RAP1B: variants seen among roughly 807,000 people sequenced by gnomAD.
RAP1B encodes the protein ras-related protein Rap-1b.
A neutral mutation model predicts 27.5 loss-of-function variants in RAP1B; 1 was observed. The observed-to-expected ratio is 0.04, with a 90% confidence interval of 0.01 to 0.17. The LOEUF is 0.17. Ranked by LOEUF, RAP1B falls within the 10% of genes least tolerant of loss-of-function variation. The probability of loss-of-function intolerance (pLI) is 1.00; values close to 1 mark genes in which losing one functional copy is unlikely to be tolerated. For missense variants in RAP1B, 84 were observed against 214.8 expected (o/e 0.39, Z 3.81); for synonymous variants, 75 against 73.1 (o/e 1.03, Z -0.13).
At chr12:68,642,726 C>T in intron 1 of RAP1B, 1 of 1,084,648 alleles carries the variant, frequency 9.2e-7, no homozygotes. Flanking sequence ...TCTTCGGCAT[C>T]CACCTGCGCA....
intron 1 of RAP1B, among the ~76,000 whole-genome samples, chr12:68,626,073 C>T (rs1462909089): frequency 6.6e-6 from 1 of 152,124 alleles, no homozygotes; most frequent in African/African-American, 2.4e-5. Flanking sequence ...CTGTTTATTT[C>T]TATATTCGGC....
intron 3 of RAP1B, 58 bp downstream of exon 3, chr12:68,650,526 G>T: frequency 7.9e-7 from 1 of 1,269,638 alleles, no homozygotes; most frequent in Non-Finnish European, 1.1e-6. Context: ...ACTTATTTTA[G>T]CTTTATAATT....
At chr12:68,620,187 G>GTTTTTTA (rs1555170670) in intron 1 of RAP1B, among the ~76,000 whole-genome samples, 2 of 148,096 alleles carry the variant, frequency 1.4e-5, no homozygotes, top group African/African-American at 2.5e-5. Context: ...GGTGGTGGTG[G>GTTTTTTA]TTTTTTTATT....
At chr12:68,650,848 A>G (rs980170404) in intron 3 of RAP1B, 1 of 153,280 alleles carries the variant, frequency 6.5e-6, no homozygotes, top group African/African-American at 2.4e-5. Flanking sequence ...CTCTTGAGAA[A>G]GTGCCACCAC....
At chr12:68,628,464 T>A (rs1032023016) in intron 1 of RAP1B, among the ~76,000 whole-genome samples, 1 of 152,244 alleles carries the variant, frequency 6.6e-6, no homozygotes, top group Non-Finnish European at 1.5e-5. Context: ...TTTTAATGAC[T>A]TATTTTTATA....
At chr12:68,630,078 C>A (rs1403110700) in intron 1 of RAP1B, among the ~76,000 whole-genome samples, 1 of 152,174 alleles carries the variant, frequency 6.6e-6, no homozygotes, top group Non-Finnish European at 1.5e-5. Context: ...CCTAGTTGAT[C>A]TCAAAAATCA....
chr12:68,646,964 T>C (rs893535135), intron 1 of RAP1B, among the ~76,000 whole-genome samples: 1 of 152,236 alleles, frequency 6.6e-6, no homozygotes, highest in African/African-American at 2.4e-5. Flanking sequence ...TGAACCCATA[T>C]ACAAAAAGAA....
intron 1 of RAP1B, among the ~76,000 whole-genome samples, chr12:68,619,124 C>G (rs1009415835): frequency 2.0e-5 from 3 of 152,076 alleles, no homozygotes; most frequent in Admixed American, 2.0e-4. Context: ...AAACACTTGG[C>G]AGCATACTGA....
intron 1 of RAP1B, among the ~76,000 whole-genome samples, chr12:68,623,273 T>G (rs1256184330): frequency 6.6e-6 from 1 of 152,134 alleles, no homozygotes; most frequent in African/African-American, 2.4e-5. Context: ...AAGGAAGAAG[T>G]GAAACCCTTA....
intron 1 of RAP1B, among the ~76,000 whole-genome samples, chr12:68,622,543 TCA>T (rs777132205): frequency 4.1e-4 from 63 of 152,244 alleles, no homozygotes; most frequent in Non-Finnish European, 3.8e-4. Context: ...CAATTCTGCC[TCA>T]GTCTCAACAG....
chr12:68,621,510 A>C (rs184775598), intron 1 of RAP1B: 1 of 152,314 alleles, frequency 6.6e-6, no homozygotes, highest in Non-Finnish European at 1.5e-5. Flanking sequence ...GCTTTTAAGG[A>C]CAGAAAAAGC....
chr12:68,616,772 C>T (rs901524766), intron 1 of RAP1B, among the ~76,000 whole-genome samples: 1 of 151,728 alleles, frequency 6.6e-6, no homozygotes, highest in Non-Finnish European at 1.5e-5. Context: ...CGCCATGTTG[C>T]CCAAGCTCAC....
At chr12:68,618,133 G>T (rs1592419660) in intron 1 of RAP1B, among the ~76,000 whole-genome samples, 2 of 131,454 alleles carry the variant, frequency 1.5e-5, no homozygotes, top group South Asian at 5.6e-4. Context: ...TGTCGCCCAG[G>T]CTAGAATGCA....
intron 1 of RAP1B, among the ~76,000 whole-genome samples, chr12:68,645,613 G>C (rs1873349474): frequency 6.6e-6 from 1 of 152,172 alleles, no homozygotes; most frequent in African/African-American, 2.4e-5. Context: ...GTCCCTACCA[G>C]CACCACAAGC....
At chr12:68,649,664 T>G (rs371944274) in intron 2 of RAP1B, 57 of 152,338 alleles carry the variant, frequency 3.7e-4, no homozygotes, top group African/African-American at 1.3e-3. Flanking sequence ...CTGAGAAGTG[T>G]CATGCTTGGA....
rs747249960 is a variant in RAP1B at position 68,657,064 on chromosome 12, T to C, written c.469-37T>C. On this transcript the variant is annotated intron_variant, in intron 6 of 7. Coordinates refer to ENST00000250559, the MANE Select transcript of RAP1B (RefSeq NM_001010942.3). ...TTTTTTCATTGGGGGGGATAGGTGT[T>C]CCTCCTGTAAATTAAAACAAATTAT... 7 of 1,529,316 alleles carry C rather than the reference T, an allele frequency of 4.6e-6. No homozygotes were observed. The South Asian group carries it at 6.8e-5, about 15-fold the overall frequency. The allele number at this position is 1,529,316 out of a possible 1,614,324, so 94.7% of individuals were successfully genotyped here.
At chr12:68,619,592 C>A (rs1158811448) in intron 1 of RAP1B, among the ~76,000 whole-genome samples, 2 of 152,158 alleles carry the variant, frequency 1.3e-5, no homozygotes, top group Admixed American at 1.3e-4. Flanking sequence ...TGTCAAAGAC[C>A]AGTATCCAGA....
chr12:68,630,759 C>T (rs1278374065), intron 1 of RAP1B, among the ~76,000 whole-genome samples: 2 of 151,924 alleles, frequency 1.3e-5, no homozygotes, highest in Non-Finnish European at 2.9e-5. Flanking sequence ...CTCACTGCAA[C>T]CTCAACCTCC....
At chr12:68,647,743 G>A (rs1358196436) in intron 1 of RAP1B, among the ~76,000 whole-genome samples, 1 of 152,082 alleles carries the variant, frequency 6.6e-6, no homozygotes, top group African/African-American at 2.4e-5. Flanking sequence ...TTGGCTTTGG[G>A]ATGTGTCTGT....
Sources: gnomAD v4.1 joint callset for allele counts (sites outside exome capture counted in the v4.1 genomes callset) on GRCh38, gnomAD v4.1.1 for gene constraint, MANE v1.5 for transcripts, NCBI Gene and HGNC (gene_info 2026-07-23, HGNC 2026-07-21) for gene names.